The following PLCL1 variants were observed in gnomAD, a reference collection of about 807,000 sequenced individuals.
PLCL1 encodes phospholipase C like 1 (inactive).
Under a neutral mutation model 84.4 loss-of-function variants are expected in PLCL1, and 41 were observed. The observed-to-expected ratio is 0.49, with a 90% CI of 0.38 to 0.63. PLCL1 has a LOEUF of 0.63. Among genes scored for constraint, PLCL1 ranks in the 30% least tolerant of loss-of-function variants. The probability of loss-of-function intolerance (pLI) is 0.00; values close to 1 mark genes in which losing one functional copy is unlikely to be tolerated. For missense variants in PLCL1, 1,206 were observed against 1,367.8 expected, an observed-to-expected ratio of 0.88 and a Z score of 1.87; for synonymous variants, 490 against 488.3, an observed-to-expected ratio of 1.00 and a Z score of -0.05.
At chr2:197,852,624 T>G (rs893119112) in intron 1 of PLCL1, among the ~76,000 whole-genome samples, 4 of 152,202 alleles carry the variant, frequency 2.6e-5, no homozygotes, top group African/African-American at 7.2e-5. Context: ...TTCATATATG[T>G]ATAGAAATGT....
chr2:197,923,964 C>A (rs1007569480), intron 1 of PLCL1, among the ~76,000 whole-genome samples: 17 of 151,732 alleles, frequency 1.1e-4, no homozygotes, highest in African/African-American at 4.1e-4. Flanking sequence ...GAGACCGGCC[C>A]GGCCAACACA....
chr2:198,031,071 G>A (rs926394531), intron 1 of PLCL1, among the ~76,000 whole-genome samples: 1 of 151,942 alleles, frequency 6.6e-6, no homozygotes, highest in African/African-American at 2.4e-5. Context: ...CTAATATAAT[G>A]TTAAATAAAT....
chr2:198,057,084 G>A (rs1692087681), intron 1 of PLCL1, among the ~76,000 whole-genome samples: 1 of 152,170 alleles, frequency 6.6e-6, no homozygotes, highest in Non-Finnish European at 1.5e-5. Context: ...TGCTTGGCAA[G>A]TAGCAGAATT....
intron 1 of PLCL1, among the ~76,000 whole-genome samples, chr2:197,934,853 TATAGA>T (rs1195599420): frequency 6.6e-6 from 1 of 152,192 alleles, no homozygotes; most frequent in Non-Finnish European, 1.5e-5. Context: ...ACAGACAACC[TATAGA>T]ATAGGAGAAA....
Position 197,966,303 on chromosome 2 carries a change from A to G in PLCL1, c.241-117455A>G, listed in dbSNP as rs556606318. 5.0e-4 allele frequency among the ~76,000 whole-genome samples: 76 copies of G among 152,168 alleles called. 1 individual carries two copies. The South Asian group carries it at 0.015, about 31-fold the overall frequency. Reference sequence around the variant, plus strand: ...CATGCCCCCAAGTTCACTGTCTCTGAGCCCAGCACAGCACCAGGACTTTCC... The same window carrying G: ...CATGCCCCCAAGTTCACTGTCTCTGGGCCCAGCACAGCACCAGGACTTTCC... On this transcript the variant is annotated intron_variant, in intron 1 of 5. Coordinates refer to ENST00000428675, the MANE Select transcript of PLCL1 (RefSeq NM_006226.4).
At chr2:198,022,339 A>G (rs1189671848) in intron 1 of PLCL1, among the ~76,000 whole-genome samples, 1 of 152,202 alleles carries the variant, frequency 6.6e-6, no homozygotes, top group Non-Finnish European at 1.5e-5. Context: ...GAAAACCGAC[A>G]CAAGACAAGG....
At chr2:197,850,021 GACACACACAGAC>G (rs1231019800) in intron 1 of PLCL1, among the ~76,000 whole-genome samples, 9 of 93,234 alleles carry the variant, frequency 9.7e-5, no homozygotes, top group African/African-American at 2.3e-4. Flanking sequence ...CAGACACACA[GACACACACAGAC>G]ACACACACAC....
At chr2:197,949,280 G>A (rs972459552) in intron 1 of PLCL1, among the ~76,000 whole-genome samples, 1 of 152,160 alleles carries the variant, frequency 6.6e-6, no homozygotes, top group Non-Finnish European at 1.5e-5. Context: ...GCTGAGAACT[G>A]TTCCCAGACT....
At chr2:198,087,861 C>T (rs1042423856) in intron 2 of PLCL1, among the ~76,000 whole-genome samples, 1 of 152,124 alleles carries the variant, frequency 6.6e-6, no homozygotes, top group African/African-American at 2.4e-5. Context: ...CCAGGATTGC[C>T]TAATACCAAA....
At chr2:197,878,290 C>T (rs990881279) in intron 1 of PLCL1, among the ~76,000 whole-genome samples, 1 of 152,122 alleles carries the variant, frequency 6.6e-6, no homozygotes, top group African/African-American at 2.4e-5. Flanking sequence ...AGTTATCACA[C>T]TTTGCTTGTA....
chr2:197,895,858 G>T (rs780942894), intron 1 of PLCL1, among the ~76,000 whole-genome samples: 1 of 151,936 alleles, frequency 6.6e-6, no homozygotes, highest in Non-Finnish European at 1.5e-5. Context: ...AGGCCTGTTG[G>T]TTTTGAAGCT....
chr2:197,813,223 G>C (rs1369901687), intron 1 of PLCL1, among the ~76,000 whole-genome samples: 1 of 152,150 alleles, frequency 6.6e-6, no homozygotes, highest in Non-Finnish European at 1.5e-5. Flanking sequence ...GGTTGGGGAG[G>C]AGAGAGAGAA....
intron 5 of PLCL1, among the ~76,000 whole-genome samples, chr2:198,117,211 C>T (rs371409025): frequency 4.6e-5 from 7 of 151,822 alleles, no homozygotes; most frequent in African/African-American, 1.7e-4. Context: ...TGTTAAGAGA[C>T]ATATTTTTCA....
chr2:198,114,470 T>C (rs1455672200), intron 5 of PLCL1, among the ~76,000 whole-genome samples: 3 of 151,844 alleles, frequency 2.0e-5, no homozygotes, highest in Non-Finnish European at 4.4e-5. Flanking sequence ...ACTTGTGAAG[T>C]TATTGAAGGT....
At chr2:198,044,552 A>G (rs1226811959) in intron 1 of PLCL1, among the ~76,000 whole-genome samples, 1 of 152,238 alleles carries the variant, frequency 6.6e-6, no homozygotes, top group Non-Finnish European at 1.5e-5. Flanking sequence ...ATGTTATAGT[A>G]CTAATTTTAT....
intron 1 of PLCL1, among the ~76,000 whole-genome samples, chr2:197,929,957 C>T (rs16825786): frequency 2.0e-5 from 3 of 151,916 alleles, no homozygotes; most frequent in Non-Finnish European, 4.4e-5. Flanking sequence ...CATTTTTTCT[C>T]CTGTGATACA....
At chr2:197,861,595 G>C (rs1016824556) in intron 1 of PLCL1, among the ~76,000 whole-genome samples, 2 of 152,160 alleles carry the variant, frequency 1.3e-5, no homozygotes, top group African/African-American at 4.8e-5. Context: ...TTTGCAATTG[G>C]CATCAGAATG....
chr2:197,978,746 C>A (rs1054170428), intron 1 of PLCL1, among the ~76,000 whole-genome samples: 2 of 152,244 alleles, frequency 1.3e-5, no homozygotes. Flanking sequence ...TGGGAACCAA[C>A]CCTGGCCAGG....
chr2:197,896,652 G>T (rs1038288923), intron 1 of PLCL1, among the ~76,000 whole-genome samples: 1 of 151,998 alleles, frequency 6.6e-6, no homozygotes, highest in Non-Finnish European at 1.5e-5. Flanking sequence ...CGTGGTTTTG[G>T]TACATGTCTG....
Sources: allele counts gnomAD v4.1 joint callset (sites outside exome capture counted in the v4.1 genomes callset), GRCh38; gene constraint gnomAD v4.1.1; transcripts MANE v1.5; gene names NCBI Gene and HGNC (gene_info 2026-07-23, HGNC 2026-07-21).